The following ARHGAP32 variants were observed in gnomAD, a reference collection of about 807,000 sequenced individuals.
ARHGAP32 encodes Rho GTPase activating protein 32.
ARHGAP32 carries 51 observed loss-of-function variants against 186.5 expected under a neutral mutation model. The ratio of observed to expected loss-of-function variants is 0.27; its 90% CI spans 0.22 to 0.35. ARHGAP32 has a LOEUF of 0.35. Among genes scored for constraint, ARHGAP32 ranks in the 10% least tolerant of loss-of-function variants. ARHGAP32 has a pLI of 1.00. For missense variants in ARHGAP32, 2,186 were observed against 2,623.5 expected (o/e 0.83, Z 3.64); for synonymous variants, 950 against 964.3 (o/e 0.99, Z 0.27).
At chr11:129,158,569 TAGAGACCTACAA>T (rs1176738843) in intron 2 of ARHGAP32, among the ~76,000 whole-genome samples, 1 of 152,136 alleles carries the variant, frequency 6.6e-6, no homozygotes, top group East Asian at 1.9e-4. Flanking sequence ...AGCAAGTTTT[TAGAGACCTACAA>T]AGAGACTTAG....
At position 129,052,606 on chromosome 11, in the gene ARHGAP32, CT is replaced by C. The variant is rs1034092057; in HGVS notation, c.963+9673del. On this transcript the variant is annotated intron_variant, in intron 10 of 22. Transcript: ENST00000682385. ...TTTTCAGTATATAGCTCTTTCACAT[CT>C]TTTTTTTTTTCAGATACAGTCCTAA... 6.7e-3 allele frequency among the ~76,000 whole-genome samples: 977 copies of C among 146,064 alleles called. 12 individuals carry two copies. Among genetic ancestry groups the C allele is most frequent in the African/African-American group, 0.021 (847 of 40,116 alleles).
intron 7 of ARHGAP32, 95 bp from the exon 8 acceptor site, chr11:129,065,028 T>C: frequency 1.0e-6 from 1 of 984,150 alleles, no homozygotes; most frequent in Non-Finnish European, 1.5e-6. Context: ...AATCTATAGA[T>C]CTTTAGGCAT....
chr11:129,066,958 T>C (rs2135159064), intron 6 of ARHGAP32, 90 bp from the exon 7 acceptor site: 5 of 1,133,620 alleles, frequency 4.4e-6, no homozygotes, highest in Non-Finnish European at 6.1e-6. Flanking sequence ...ATTTTATTCA[T>C]GAGATTTTAT....
chr11:129,255,911 G>C (rs1945248408), intron 1 of ARHGAP32, among the ~76,000 whole-genome samples: 2 of 152,032 alleles, frequency 1.3e-5, no homozygotes, highest in African/African-American at 4.8e-5. Flanking sequence ...ATGTTCTCAG[G>C]AGTAATATTC....
In ARHGAP32 at chr11:129,266,024, A is replaced by G. The variant is rs529241667; in HGVS notation, c.-5+13122T>C. Among the ~76,000 whole-genome samples, 9 of 152,358 alleles carry G rather than the reference A, an allele frequency of 5.9e-5. No homozygotes were observed. In the South Asian group the frequency reaches 1.7e-3, roughly 28 times the overall value. On this transcript the variant is annotated intron_variant, in intron 1 of 6. Transcript: ENST00000525234. The stretch of plus-strand genomic sequence containing the variant: ...TAAAACTGAATATTTAGATTAAAAA[A>G]TAACAATAAAAGGAAAACAATGTAA...
At chr11:129,018,747 A>T (rs1156821692) in intron 11 of ARHGAP32, among the ~76,000 whole-genome samples, 1 of 152,168 alleles carries the variant, frequency 6.6e-6, no homozygotes, top group Non-Finnish European at 1.5e-5. Context: ...TAACTCTACA[A>T]ATCTTTTAAA....
chr11:129,121,203 C>G (rs1942520705), intron 5 of ARHGAP32, among the ~76,000 whole-genome samples: 1 of 151,248 alleles, frequency 6.6e-6, no homozygotes, highest in Admixed American at 6.6e-5. Context: ...AAATGGCATT[C>G]AATCAGTCCA....
chr11:129,052,269 T>A (rs1243306732), intron 10 of ARHGAP32, among the ~76,000 whole-genome samples: 1 of 152,216 alleles, frequency 6.6e-6, no homozygotes, highest in East Asian at 1.9e-4. Context: ...GATCTACTTA[T>A]CTATCTTTCC....
intron 10 of ARHGAP32, among the ~76,000 whole-genome samples, chr11:129,050,867 T>C (rs1414082496): frequency 6.6e-6 from 1 of 152,170 alleles, no homozygotes; most frequent in Non-Finnish European, 1.5e-5. Flanking sequence ...GTTCAACTCC[T>C]GCTTATGAGT....
rs543599657 is a variant in ARHGAP32, at chr11:129,243,696, T to A, written c.-5+35450A>T. On this transcript the variant is annotated intron_variant, in intron 1 of 6. Transcript: ENST00000525234. ...CCTCCAAGTTACATCCCAATTCTAA[T>A]CCACTAGATACCTGCTTTGTTTTCC... Among the ~76,000 whole-genome samples the A allele has an allele frequency of 9.9e-5, 15 of 152,272 alleles. No homozygotes were observed. In the South Asian group the frequency reaches 3.1e-3, roughly 32 times the overall value.
intron 6 of ARHGAP32, among the ~76,000 whole-genome samples, chr11:129,084,407 A>G (rs1941317449): frequency 1.3e-5 from 2 of 152,074 alleles, no homozygotes; most frequent in South Asian, 2.1e-4. Flanking sequence ...AAAATCATCA[A>G]TGAAGTACTA....
Position 129,016,254 on chromosome 11 carries a change from CACATAAT to C in ARHGAP32, c.1046-17793_1046-17787del, listed in dbSNP as rs565167750. Among the ~76,000 whole-genome samples the C allele has an allele frequency of 3.0e-3, 455 of 152,202 alleles. 6 individuals carry two copies. Among genetic ancestry groups the C allele is most frequent in the African/African-American group, 0.01 (436 of 41,546 alleles). The stretch of plus-strand genomic sequence containing the variant: ...TTCTTACTGATGAATAAGAATTCTT[CACATAAT>C]ACAGAAATGAATCCTTTACGTATTA... On this transcript the variant is annotated intron_variant, in intron 11 of 22. Coordinates refer to ENST00000682385, the MANE Select transcript of ARHGAP32 (RefSeq NM_001378024.1).
At chr11:129,040,066 T>C (rs1190616127) in intron 11 of ARHGAP32, among the ~76,000 whole-genome samples, 1 of 152,180 alleles carries the variant, frequency 6.6e-6, no homozygotes, top group East Asian at 1.9e-4. Flanking sequence ...GCAAAGATTG[T>C]TGGATGTAAG....
At chr11:129,037,337 C>G (rs1057161283) in intron 11 of ARHGAP32, among the ~76,000 whole-genome samples, 2 of 150,306 alleles carry the variant, frequency 1.3e-5, no homozygotes, top group African/African-American at 5.0e-5. Flanking sequence ...CTACAAAAAA[C>G]TAACAAATTA....
chr11:129,169,160 A>T (rs572081216), intron 1 of ARHGAP32, among the ~76,000 whole-genome samples: 1 of 152,320 alleles, frequency 6.6e-6, no homozygotes, highest in South Asian at 2.1e-4. Flanking sequence ...TTAAATAACA[A>T]ATCAATAAAA....
intron 11 of ARHGAP32, among the ~76,000 whole-genome samples, chr11:129,010,646 T>C (rs1189697079): frequency 6.6e-6 from 1 of 152,190 alleles, no homozygotes; most frequent in African/African-American, 2.4e-5. Flanking sequence ...GGGAAAACAA[T>C]TTCTTAATGC....
intron 2 of ARHGAP32, among the ~76,000 whole-genome samples, chr11:129,133,106 A>G (rs1591640830): frequency 6.6e-6 from 1 of 152,204 alleles, no homozygotes; most frequent in Non-Finnish European, 1.5e-5. Context: ...CACGTCTTAC[A>G]TGTTTAGAGC....
At chr11:129,134,676 C>G (rs907273748) in intron 2 of ARHGAP32, among the ~76,000 whole-genome samples, 1 of 152,136 alleles carries the variant, frequency 6.6e-6, no homozygotes, top group Non-Finnish European at 1.5e-5. Context: ...TGTGTTCCAT[C>G]AAAATGTGTA....
upstream of ARHGAP32, among the ~76,000 whole-genome samples, chr11:129,193,626 T>A (rs866678197): frequency 1.1e-3 from 85 of 75,124 alleles, 1 homozygote; most frequent in African/African-American, 4.2e-3. Context: ...TGTTATATAA[T>A]ATATATAATA....
Sources: gnomAD v4.1 joint callset for allele counts (sites outside exome capture counted in the v4.1 genomes callset) on GRCh38, gnomAD v4.1.1 for gene constraint, MANE v1.5 for transcripts, NCBI Gene and HGNC (gene_info 2026-07-23, HGNC 2026-07-21) for gene names.